CDC73: variants seen among roughly 807,000 people sequenced by gnomAD.
CDC73 encodes cell division cycle 73.
Under a neutral mutation model 83.7 loss-of-function variants are expected in CDC73, and 21 were observed. The observed-to-expected ratio is 0.25, with a 90% confidence interval of 0.18 to 0.36. CDC73 has a LOEUF of 0.36. CDC73 is among the 10% of genes least tolerant of loss of function. CDC73 has a pLI of 1.00. For synonymous variants in CDC73, 224 were observed against 212.9 expected, an observed-to-expected ratio of 1.05 and a Z score of -0.45; for missense variants, 342 against 653.3, an observed-to-expected ratio of 0.52 and a Z score of 5.19.
At position 193,201,916 on chromosome 1, in the gene CDC73, T is replaced by C. The variant is rs1193046900; in HGVS notation, c.973-1879T>C. On this transcript the variant is annotated intron_variant, in intron 10 of 16. Transcript: ENST00000367435. The stretch of plus-strand genomic sequence containing the variant: ...ATTTTTATTCTGGTGATTTTGAACT[T>C]AGGCCACTCTATTCCAAAAAAAAAG... Among the ~76,000 whole-genome samples the C allele has an allele frequency of 2.0e-5, 3 of 152,106 alleles. No homozygotes were observed. In the East Asian group the frequency reaches 5.8e-4, roughly 29 times the overall value.
chr1:193,150,015 G>A (rs1256232781), intron 8 of CDC73, among the ~76,000 whole-genome samples: 1 of 152,076 alleles, frequency 6.6e-6, no homozygotes, highest in Admixed American at 6.5e-5. Context: ...GGTGGCTCAT[G>A]CCTGTAATCT....
At chr1:193,151,901 C>T (rs893374454) in intron 9 of CDC73, among the ~76,000 whole-genome samples, 6 of 151,944 alleles carry the variant, frequency 3.9e-5, no homozygotes, top group African/African-American at 1.5e-4. Context: ...CCACTGTACT[C>T]CAGCCTAGGT....
chr1:193,204,483 G>T lies in CDC73; in HGVS notation c.1030+631G>T, dbSNP rs1677152869. The stretch of plus-strand genomic sequence containing the variant: ...TTTTTGTATTTTTAGTAGAGACGGG[G>T]TTTCACTGTGTTAGCCAGGATGGTC... On this transcript the variant is annotated intron_variant, in intron 11 of 16. Transcript: ENST00000367435. Among the ~76,000 whole-genome samples, 6 of 151,618 alleles carry T rather than the reference G, an allele frequency of 4.0e-5. No individual in the cohort carries two copies. In the South Asian group the frequency reaches 1.0e-3, roughly 26 times the overall value.
chr1:193,187,102 T>TTCCCC (rs1553285108), intron 10 of CDC73, among the ~76,000 whole-genome samples: 5 of 32,870 alleles, frequency 1.5e-4, no homozygotes, highest in Non-Finnish European at 2.1e-4. Context: ...GTAATTTAGA[T>TTCCCC]CCCCCCCCCC....
At chr1:193,197,653 C>G (rs116514555) in intron 10 of CDC73, among the ~76,000 whole-genome samples, 2 of 152,010 alleles carry the variant, frequency 1.3e-5, no homozygotes, top group East Asian at 3.9e-4. Context: ...AGGCCAGGTG[C>G]GGTGGCTCGT....
intron 10 of CDC73, among the ~76,000 whole-genome samples, chr1:193,187,730 T>C (rs965640896): frequency 2.0e-5 from 3 of 151,776 alleles, no homozygotes; most frequent in South Asian, 2.1e-4. Flanking sequence ...TTCTCTGATA[T>C]TAAAAAAAAT....
At chr1:193,213,762 G>A (rs1677315828) in intron 13 of CDC73, among the ~76,000 whole-genome samples, 1 of 152,192 alleles carries the variant, frequency 6.6e-6, no homozygotes, top group South Asian at 2.1e-4. Flanking sequence ...ATTATTTGAA[G>A]TGCTACTGGC....
chr1:193,127,289 A>AT (rs1553277970), intron 2 of CDC73, among the ~76,000 whole-genome samples: 5 of 143,188 alleles, frequency 3.5e-5, no homozygotes, highest in African/African-American at 1.3e-4. Flanking sequence ...AAAAAAAAAA[A>AT]TGTGTGTGTG....
chr1:193,124,568 T>C (rs1030852535), intron 1 of CDC73, among the ~76,000 whole-genome samples: 1 of 152,198 alleles, frequency 6.6e-6, no homozygotes, highest in African/African-American at 2.4e-5. Context: ...TAGACTACAT[T>C]GTTTTATCAC....
At chr1:193,220,993 A>T (rs1572207642) in intron 13 of CDC73, among the ~76,000 whole-genome samples, 1 of 152,282 alleles carries the variant, frequency 6.6e-6, no homozygotes, top group East Asian at 1.9e-4. Flanking sequence ...TCTGAAATAC[A>T]TGTATTTTTT....
chr1:193,248,123 T>C (rs183830565), intron 15 of CDC73, among the ~76,000 whole-genome samples: 4 of 152,190 alleles, frequency 2.6e-5, no homozygotes, highest in Admixed American at 2.0e-4. Flanking sequence ...ACTCTTTTGT[T>C]AGGGGCTAAT....
chr1:193,205,079 A>C (rs950803124), intron 11 of CDC73, among the ~76,000 whole-genome samples: 5 of 151,648 alleles, frequency 3.3e-5, no homozygotes, highest in African/African-American at 1.2e-4. Flanking sequence ...TTTATAGATC[A>C]TTTAGATACC....
intron 10 of CDC73, among the ~76,000 whole-genome samples, chr1:193,174,926 G>C (rs1489767115): frequency 6.6e-6 from 1 of 152,176 alleles, no homozygotes; most frequent in African/African-American, 2.4e-5. Flanking sequence ...TAAACGAAAA[G>C]AGTGAGACTG....
At chr1:193,212,649 A>G (rs1677299541) in intron 13 of CDC73, among the ~76,000 whole-genome samples, 172 bp downstream of exon 13, 1 of 152,198 alleles carries the variant, frequency 6.6e-6, no homozygotes, top group Non-Finnish European at 1.5e-5. Context: ...ATTCTTTTAT[A>G]TTTGGATCCT....
chr1:193,197,708 T>C (rs1035556440), intron 10 of CDC73, among the ~76,000 whole-genome samples: 1 of 151,860 alleles, frequency 6.6e-6, no homozygotes, highest in Non-Finnish European at 1.5e-5. Context: ...GGTGGATCAC[T>C]TGAGGTCAGG....
intron 10 of CDC73, among the ~76,000 whole-genome samples, chr1:193,154,661 T>C (rs1676177570): frequency 6.6e-6 from 1 of 152,250 alleles, no homozygotes. Context: ...GTGTTGCTTG[T>C]GATCTGATTT....
chr1:193,233,177 A>G, intron 14 of CDC73, 23 bp downstream of exon 14: 4 of 1,589,574 alleles, frequency 2.5e-6, no homozygotes, highest in Non-Finnish European at 3.5e-6. Flanking sequence ...CTATATATAT[A>G]TCTTTTCACA....
At chr1:193,178,684 A>G (rs1375173718) in intron 10 of CDC73, among the ~76,000 whole-genome samples, 2 of 152,198 alleles carry the variant, frequency 1.3e-5, no homozygotes, top group African/African-American at 4.8e-5. Flanking sequence ...ATTAAGTGAA[A>G]GACAGGCTTG....
intron 9 of CDC73, among the ~76,000 whole-genome samples, chr1:193,151,937 G>GA (rs1676120372): frequency 6.6e-6 from 1 of 151,914 alleles, no homozygotes; most frequent in African/African-American, 2.4e-5. Flanking sequence ...TGTCTCAAAA[G>GA]AAAAAATATA....
Sources: allele counts gnomAD v4.1 joint callset (sites outside exome capture counted in the v4.1 genomes callset), GRCh38; gene constraint gnomAD v4.1.1; transcripts MANE v1.5; gene names NCBI Gene and HGNC (gene_info 2026-07-23, HGNC 2026-07-21).